Variants in ABLIM1 observed in about 807,000 individuals in gnomAD.
The protein encoded by ABLIM1 is actin-binding LIM protein 1.
A neutral mutation model predicts 107.0 loss-of-function variants in ABLIM1; 40 were observed. The ratio of observed to expected loss-of-function variants is 0.37; its 90% CI spans 0.29 to 0.49. The LOEUF (loss-of-function observed/expected upper bound fraction) is 0.49. ABLIM1 is among the 20% of genes least tolerant of loss of function. The probability of loss-of-function intolerance (pLI) is 0.97; values close to 1 mark genes in which losing one functional copy is unlikely to be tolerated. For missense variants in ABLIM1, 857 were observed against 1,008.5 expected (o/e 0.85, Z 2.04); for synonymous variants, 357 against 357.3 (o/e 1.00, Z 0.01).
chr10:114,596,984 G>T (rs2075475543), intron 2 of ABLIM1, among the ~76,000 whole-genome samples: 1 of 152,094 alleles, frequency 6.6e-6, no homozygotes, highest in Non-Finnish European at 1.5e-5. Context: ...AGCTTTGCTG[G>T]ACTCGAGGTC....
At chr10:114,473,758 G>T (rs1590118542) in intron 9 of ABLIM1, 121 bp downstream of exon 9, 1 of 709,378 alleles carries the variant, frequency 1.4e-6, no homozygotes, top group East Asian at 2.6e-5. Flanking sequence ...ATGAAAATCA[G>T]GTCTCATAAC....
chr10:114,654,924 C>T (rs1203027881), intron 1 of ABLIM1, among the ~76,000 whole-genome samples: 1 of 152,216 alleles, frequency 6.6e-6, no homozygotes, highest in Non-Finnish European at 1.5e-5. Context: ...CAAGCAATCA[C>T]TTCCTCAGGC....
At chr10:114,689,961 T>C (rs1376928498), upstream of ABLIM1, among the ~76,000 whole-genome samples, 1 of 152,134 alleles carries the variant, frequency 6.6e-6, no homozygotes, top group Admixed American at 6.5e-5. Context: ...AATTTCATAA[T>C]CATAAACTTA....
At chr10:114,666,260 T>C (rs2080021662) in intron 1 of ABLIM1, among the ~76,000 whole-genome samples, 2 of 152,196 alleles carry the variant, frequency 1.3e-5, no homozygotes, top group Admixed American at 6.5e-5. Flanking sequence ...ATATTTATTC[T>C]TATTCTTTAA....
intron 12 of ABLIM1, among the ~76,000 whole-genome samples, chr10:114,454,296 A>G (rs1029657830): frequency 2.0e-5 from 3 of 152,192 alleles, no homozygotes; most frequent in African/African-American, 7.2e-5. Flanking sequence ...ATGCCATATA[A>G]TGACATGCAA....
the ABLIM1 span, among the ~76,000 whole-genome samples, chr10:114,773,464 G>A: frequency 2.0e-5 from 3 of 152,182 alleles, no homozygotes; most frequent in Non-Finnish European, 4.4e-5. Context: ...GCTCATGTCT[G>A]TAATCTCAGC....
intron 2 of ABLIM1, among the ~76,000 whole-genome samples, chr10:114,593,449 C>G (rs1218276802): frequency 3.9e-5 from 6 of 152,166 alleles, no homozygotes; most frequent in Non-Finnish European, 8.8e-5. Flanking sequence ...TTTCTCCATG[C>G]TCCCCAAATC....
chr10:114,740,454 C>T (rs913456857), intron 1 of ABLIM1, among the ~76,000 whole-genome samples: 4 of 151,624 alleles, frequency 2.6e-5, no homozygotes, highest in Non-Finnish European at 4.4e-5. Flanking sequence ...CCACTTCCCT[C>T]GGAAATCTTT....
At chr10:114,577,166 T>C (rs1446819907) in intron 2 of ABLIM1, among the ~76,000 whole-genome samples, 1 of 152,216 alleles carries the variant, frequency 6.6e-6, no homozygotes. Flanking sequence ...GGCAAGGTAT[T>C]TGAGGGGTGA....
intron 2 of ABLIM1, among the ~76,000 whole-genome samples, chr10:114,595,364 C>T (rs1297327061): frequency 6.6e-6 from 1 of 152,204 alleles, no homozygotes; most frequent in African/African-American, 2.4e-5. Flanking sequence ...CAAATACCAA[C>T]ACATTCAAAT....
At chr10:114,453,337 A>G (rs370938594) in intron 13 of ABLIM1, 42 bp downstream of exon 13, 18 of 1,591,442 alleles carry the variant, frequency 1.1e-5, no homozygotes, top group Middle Eastern at 1.7e-4. Context: ...TACATTCTAC[A>G]CTGTGACAGG....
intron 2 of ABLIM1, among the ~76,000 whole-genome samples, chr10:114,581,702 ATC>A (rs1226938782): frequency 6.6e-6 from 1 of 151,996 alleles, no homozygotes; most frequent in Non-Finnish European, 1.5e-5. Context: ...AGGAAAACCC[ATC>A]TAGCATGCTG....
chr10:114,471,186 T>C (rs1267890227), intron 10 of ABLIM1, among the ~76,000 whole-genome samples: 9 of 152,238 alleles, frequency 5.9e-5, no homozygotes, highest in African/African-American at 2.2e-4. Flanking sequence ...TGAGTCACCA[T>C]GTCTGGCAGA....
rs1477116323 is a variant in ABLIM1 at position 114,439,254 on chromosome 10, C to T, written c.2068-4G>A. On this transcript the variant is annotated splice_polypyrimidine_tract_variant and splice_region_variant and intron_variant, in intron 20 of 22. Coordinates refer to ENST00000533213, the MANE Select transcript of ABLIM1 (RefSeq NM_002313.7). Reference sequence around the variant, plus strand: ...GCATGTGGCCATCTGGGAGTGTCTGCAACAGAAATGCCAGTTCCAGGTGAG... The same window carrying T: ...GCATGTGGCCATCTGGGAGTGTCTGTAACAGAAATGCCAGTTCCAGGTGAG... 6.2e-7 allele frequency: 1 copy of T among 1,614,054 alleles called. No homozygotes were observed. Among genetic ancestry groups the T allele is most frequent in the African/African-American group, 1.3e-5 (1 of 74,934 alleles).
At chr10:114,556,011 C>T (rs866806639) in intron 4 of ABLIM1, among the ~76,000 whole-genome samples, 1 of 151,992 alleles carries the variant, frequency 6.6e-6, no homozygotes, top group Non-Finnish European at 1.5e-5. Context: ...TATAAAATAT[C>T]CTTTTAATAG....
chr10:114,645,902 A>C (rs1459469819), intron 1 of ABLIM1, among the ~76,000 whole-genome samples: 2 of 152,224 alleles, frequency 1.3e-5, no homozygotes, highest in Non-Finnish European at 2.9e-5. Context: ...AAAATGAGTC[A>C]TTTTATAACA....
intron 10 of ABLIM1, among the ~76,000 whole-genome samples, chr10:114,472,231 G>A (rs138223961): frequency 1.3e-5 from 2 of 152,136 alleles, no homozygotes; most frequent in African/African-American, 4.8e-5. Flanking sequence ...CTGTTTTACA[G>A]ATGAAGAAAC....
intron 10 of ABLIM1, 196 bp from the exon 11 acceptor site, chr10:114,468,412 C>G: frequency 6.0e-6 from 2 of 334,904 alleles, no homozygotes; most frequent in African/African-American, 1.0e-4. Context: ...GTAGCTGGGA[C>G]TACAGGCGCC....
intron 17 of ABLIM1, among the ~76,000 whole-genome samples, chr10:114,442,791 G>A (rs1422364928): frequency 6.6e-6 from 1 of 151,984 alleles, no homozygotes; most frequent in Non-Finnish European, 1.5e-5. Context: ...GGCATGTTGT[G>A]AACATTAAAT....
Sources: allele counts gnomAD v4.1 joint callset (sites outside exome capture counted in the v4.1 genomes callset), GRCh38; gene constraint gnomAD v4.1.1; transcripts MANE v1.5; gene names NCBI Gene and HGNC (gene_info 2026-07-23, HGNC 2026-07-21).